Variants in LRRC69 observed in about 807,000 individuals in gnomAD.
LRRC69 encodes leucine rich repeat containing 69, also known as leucine-rich repeat-containing protein 69.
A neutral mutation model predicts 37.8 loss-of-function variants in LRRC69; 42 were observed. The observed-to-expected ratio is 1.11, with a 90% CI of 0.87 to 1.44. LRRC69 has a LOEUF of 1.44. Ranked by LOEUF, LRRC69 falls within the 40% of genes most tolerant of loss-of-function variation. LRRC69 has a pLI of 0.00. For synonymous variants in LRRC69, 141 were observed against 143.1 expected, an observed-to-expected ratio of 0.99 and a Z score of 0.11; for missense variants, 357 against 401.9, an observed-to-expected ratio of 0.89 and a Z score of 0.96.
At chr8:91,210,364 G>A (rs1241067644) in intron 7 of LRRC69, among the ~76,000 whole-genome samples, 2 of 152,062 alleles carry the variant, frequency 1.3e-5, no homozygotes, top group Non-Finnish European at 2.9e-5. Flanking sequence ...AAGAGAAAGT[G>A]CAAATAAATT....
Position 91,179,192 on chromosome 8 carries a change from G to C in LRRC69, c.652-10330G>C, listed in dbSNP as rs372426721. On this transcript the variant is annotated intron_variant, in intron 5 of 7. Coordinates refer to ENST00000448384, the Ensembl canonical transcript of LRRC69. ...ACCTGGGTAATTTATAAAGAAAAGC[G>C]GTTTTATTGACTTGCAGTTCAGCAG... 2.7e-4 allele frequency among the ~76,000 whole-genome samples: 41 copies of C among 152,264 alleles called. No homozygotes were observed. In the South Asian group the frequency reaches 8.3e-3, roughly 31 times the overall value.
chr8:91,189,222 TACTA>T (rs1319323020), intron 5 of LRRC69, among the ~76,000 whole-genome samples: 2 of 152,176 alleles, frequency 1.3e-5, no homozygotes, highest in Non-Finnish European at 2.9e-5. Flanking sequence ...CTTATTCTAT[TACTA>T]ACCAGTTCTA....
intron 5 of LRRC69, among the ~76,000 whole-genome samples, chr8:91,163,154 A>G (rs1808973817): frequency 6.6e-6 from 1 of 151,224 alleles, no homozygotes; most frequent in Non-Finnish European, 1.5e-5. Flanking sequence ...TTTCCTCACA[A>G]CTCAGTCAAA....
Position 91,147,323 on chromosome 8 carries a change from A to G in LRRC69, c.651+11584A>G, listed in dbSNP as rs1271522036. ...TATATATATTTTGATTCACGTTTAC[A>G]TGATATATCTATTTTCACTGCCTAC... On this transcript the variant is annotated intron_variant, in intron 5 of 7. Coordinates refer to ENST00000448384, the Ensembl canonical transcript of LRRC69. 8.1e-5 allele frequency among the ~76,000 whole-genome samples: 12 copies of G among 149,000 alleles called. No homozygotes were observed. In the Admixed American group the frequency reaches 8.1e-4, roughly 10 times the overall value.
In LRRC69 at chr8:91,114,443, A is replaced by ATGTGTGTGTG. The variant is rs768028794; in HGVS notation, c.184-10046_184-10037dup. Among the ~76,000 whole-genome samples the ATGTGTGTGTG allele has an allele frequency of 6.4e-3, 425 of 66,908 alleles. 10 individuals carry two copies. The highest frequency in any genetic ancestry group is 0.026 in the Admixed American group (235 of 9,056). 43.9% of individuals were successfully genotyped at this position (66,908 alleles called of 152,430 possible). On this transcript the variant is annotated intron_variant, in intron 1 of 7. Coordinates refer to ENST00000448384, the Ensembl canonical transcript of LRRC69. ...AAATGAATAAAGAAAATGTTTGTGT[A>ATGTGTGTGTG]TGTGTGTGTGTGTATATATATATGT...
At chr8:91,212,120 G>T (rs1393077344) in intron 7 of LRRC69, among the ~76,000 whole-genome samples, 1 of 152,080 alleles carries the variant, frequency 6.6e-6, no homozygotes, top group Non-Finnish European at 1.5e-5. Context: ...TAATTTCAAT[G>T]TAGTTGATAT....
At chr8:91,114,455 G>GTGTGTGTGTGTA (rs142337818) in intron 1 of LRRC69, among the ~76,000 whole-genome samples, 59,039 of 150,982 alleles carry the variant, frequency 0.39, 14,520 homozygotes, top group South Asian at 0.58. Context: ...GTGTGTGTGT[G>GTGTGTGTGTGTA]TATATATATA....
At chr8:91,115,759 C>T (rs1024076842) in intron 1 of LRRC69, among the ~76,000 whole-genome samples, 3 of 151,572 alleles carry the variant, frequency 2.0e-5, no homozygotes, top group Non-Finnish European at 1.5e-5. Flanking sequence ...AATAGAATTG[C>T]TGTTGGTGAC....
At chr8:91,182,026 C>A (rs1157154795) in intron 5 of LRRC69, among the ~76,000 whole-genome samples, 3 of 152,040 alleles carry the variant, frequency 2.0e-5, no homozygotes, top group African/African-American at 7.2e-5. Context: ...GCACATTTTT[C>A]TTCACATCAG....
intron 5 of LRRC69, among the ~76,000 whole-genome samples, chr8:91,147,288 T>TATATATTATATATAAAC (rs1808639422): frequency 7.6e-6 from 1 of 131,488 alleles, no homozygotes; most frequent in Admixed American, 7.8e-5. Flanking sequence ...TATATAAACA[T>TATATATTATATATAAAC]ATTATATATT....
intron 5 of LRRC69, among the ~76,000 whole-genome samples, chr8:91,184,918 C>T (rs982784355): frequency 1.3e-5 from 2 of 152,110 alleles, no homozygotes; most frequent in Admixed American, 6.5e-5. Flanking sequence ...AAATCATAAC[C>T]AAGTCCTGAA....
intron 5 of LRRC69, among the ~76,000 whole-genome samples, chr8:91,153,773 A>G (rs1207194964): frequency 6.6e-6 from 1 of 151,974 alleles, no homozygotes; most frequent in Non-Finnish European, 1.5e-5. Context: ...AAAGATCTCA[A>G]ATTGACACCC....
At chr8:91,180,004 T>C (rs1024523747) in intron 5 of LRRC69, among the ~76,000 whole-genome samples, 7 of 152,220 alleles carry the variant, frequency 4.6e-5, no homozygotes, top group African/African-American at 1.7e-4. Flanking sequence ...TAGCCTAGTG[T>C]CCTGTTCTTA....
At position 91,145,875 on chromosome 8, in the gene LRRC69, A is replaced by G. The variant is rs553831241; in HGVS notation, c.651+10136A>G. Among the ~76,000 whole-genome samples the G allele has an allele frequency of 2.0e-5, 3 of 152,010 alleles. No homozygotes were observed. The South Asian group carries it at 6.2e-4, about 31-fold the overall frequency. On this transcript the variant is annotated intron_variant, in intron 5 of 7. Transcript: ENST00000448384. ...TTCACCATTGTAATTCTAAAATTTC[A>G]TGGGGTAGACTTTTTGAAATGAAAA...
intron 5 of LRRC69, among the ~76,000 whole-genome samples, chr8:91,154,099 A>G (rs200138160): frequency 6.6e-6 from 1 of 152,032 alleles, no homozygotes; most frequent in African/African-American, 2.4e-5. Context: ...CTTTGCAAAT[A>G]AACTAGAAAA....
chr8:91,171,486 T>C (rs1267327299), intron 5 of LRRC69, among the ~76,000 whole-genome samples: 1 of 152,092 alleles, frequency 6.6e-6, no homozygotes, highest in East Asian at 1.9e-4. Flanking sequence ...AAAATATTTC[T>C]TACTTTTTTA....
chr8:91,129,974 A>G (rs976573091), intron 3 of LRRC69, among the ~76,000 whole-genome samples: 14 of 152,000 alleles, frequency 9.2e-5, no homozygotes, highest in African/African-American at 3.1e-4. Flanking sequence ...ACATAAAACT[A>G]TTCAATGCAT....
intron 5 of LRRC69, among the ~76,000 whole-genome samples, chr8:91,182,888 A>G (rs1269236041): frequency 6.6e-6 from 1 of 152,234 alleles, no homozygotes; most frequent in Non-Finnish European, 1.5e-5. Flanking sequence ...AATGAAAGGA[A>G]CATAGATCGA....
chr8:91,120,887 A>G (rs963392435), intron 1 of LRRC69, among the ~76,000 whole-genome samples: 1 of 151,980 alleles, frequency 6.6e-6, no homozygotes, highest in African/African-American at 2.4e-5. Flanking sequence ...ATTACTCCGG[A>G]GAACCCTAGA....
Sources: gnomAD v4.1 joint callset for allele counts (sites outside exome capture counted in the v4.1 genomes callset) on GRCh38, gnomAD v4.1.1 for gene constraint, MANE v1.5 for transcripts, NCBI Gene and HGNC (gene_info 2026-07-23, HGNC 2026-07-21) for gene names.